Variants in ETV6 observed in about 807,000 individuals in gnomAD.
ETV6 encodes ETS variant transcription factor 6, also known as transcription factor ETV6.
A neutral mutation model predicts 51.1 loss-of-function variants in ETV6; 16 were observed. That is an observed-to-expected ratio of 0.31 (90% confidence interval 0.21 to 0.48). The LOEUF (loss-of-function observed/expected upper bound fraction) is 0.48. Ranked by LOEUF, ETV6 falls within the 20% of genes least tolerant of loss-of-function variation. The pLI, the probability that ETV6 is intolerant of heterozygous loss-of-function variation, is 0.99. For synonymous variants in ETV6, 240 were observed against 224.1 expected, an observed-to-expected ratio of 1.07 and a Z score of -0.64; for missense variants, 458 against 594.8, an observed-to-expected ratio of 0.77 and a Z score of 2.39.
At chr12:11,793,561 A>G (rs569604933) in intron 2 of ETV6, among the ~76,000 whole-genome samples, 4 of 152,214 alleles carry the variant, frequency 2.6e-5, no homozygotes, top group Non-Finnish European at 5.9e-5. Context: ...ACTCCAGTAA[A>G]TTAAGGTCAC....
At chr12:11,675,050 C>T (rs988079907) in intron 1 of ETV6, among the ~76,000 whole-genome samples, 1 of 152,210 alleles carries the variant, frequency 6.6e-6, no homozygotes, top group African/African-American at 2.4e-5. Context: ...TGTCTTTTTG[C>T]ACGCATATGT....
chr12:11,722,077 A>G (rs1337031807), intron 1 of ETV6, among the ~76,000 whole-genome samples: 2 of 152,228 alleles, frequency 1.3e-5, no homozygotes, highest in African/African-American at 2.4e-5. Context: ...GGCTGTCACT[A>G]TAAAGTTAGG....
At chr12:11,681,005 C>T (rs1864518747) in intron 1 of ETV6, among the ~76,000 whole-genome samples, 2 of 152,158 alleles carry the variant, frequency 1.3e-5, no homozygotes, top group East Asian at 1.9e-4. Context: ...TTAAGGTGCT[C>T]AAAGCCTGGT....
At chr12:11,796,539 G>C (rs936839924) in intron 2 of ETV6, among the ~76,000 whole-genome samples, 5 of 152,082 alleles carry the variant, frequency 3.3e-5, no homozygotes, top group African/African-American at 1.2e-4. Flanking sequence ...CCACCAGCCA[G>C]CCCTCCCAAG....
At chr12:11,685,591 G>A (rs1269964071) in intron 1 of ETV6, among the ~76,000 whole-genome samples, 2 of 152,022 alleles carry the variant, frequency 1.3e-5, no homozygotes, top group Non-Finnish European at 1.5e-5. Flanking sequence ...ACAAAAACCA[G>A]CAATACACAC....
At chr12:11,803,805 A>T (rs1401619757) in intron 2 of ETV6, among the ~76,000 whole-genome samples, 1 of 152,242 alleles carries the variant, frequency 6.6e-6, no homozygotes, top group East Asian at 1.9e-4. Flanking sequence ...CATTATAAAC[A>T]CTAGTCAGCA....
intron 2 of ETV6, among the ~76,000 whole-genome samples, chr12:11,814,479 C>T (rs1014696073): frequency 6.6e-6 from 1 of 151,886 alleles, no homozygotes; most frequent in Non-Finnish European, 1.5e-5. Flanking sequence ...ATGTGTTCAC[C>T]AAAGTGAGTG....
rs1230942281 is a variant in ETV6, at chr12:11,873,707, A to G, written c.1009+3738A>G. Among the ~76,000 whole-genome samples, 3 of 113,284 alleles carry G rather than the reference A, an allele frequency of 2.6e-5. 1 individual carries two copies. Among genetic ancestry groups the G allele is most frequent in the Non-Finnish European group, 5.4e-5 (3 of 55,550 alleles). 74.3% of individuals were successfully genotyped at this position (113,284 alleles called of 152,430 possible). ...TTATGCATTTGGACACCTTCTGTGT[A>G]TAAGGCACTGTTCTGCATTCTTGAT... On this transcript the variant is annotated intron_variant, in intron 5 of 7. Coordinates refer to ENST00000396373, the MANE Select transcript of ETV6 (RefSeq NM_001987.5).
In ETV6 at chr12:11,869,348, G is replaced by T; in HGVS notation, c.464-76G>T. 7.3e-7 allele frequency: 1 copy of T among 1,363,476 alleles called. No homozygotes were observed. The highest frequency in any genetic ancestry group is 1.0e-6 in the Non-Finnish European group (1 of 989,440). The allele number at this position is 1,363,476 out of a possible 1,614,324, so 84.5% of individuals were successfully genotyped here. Reference sequence around the variant, plus strand: ...ATACCTACACGCTCCTCCATTTACCGCCTGTAGAGCCGCAGGGAGTTTCCT... The same window carrying T: ...ATACCTACACGCTCCTCCATTTACCTCCTGTAGAGCCGCAGGGAGTTTCCT... On this transcript the variant is annotated intron_variant, in intron 4 of 7. Coordinates refer to ENST00000396373, the MANE Select transcript of ETV6 (RefSeq NM_001987.5). This position sits in a 1 kb window ranked among gnomAD's most constrained non-coding sequence, Gnocchi z 5.0.
intron 1 of ETV6, among the ~76,000 whole-genome samples, chr12:11,751,063 G>T (rs1212220493): frequency 1.3e-5 from 2 of 151,958 alleles, no homozygotes; most frequent in Non-Finnish European, 2.9e-5. Flanking sequence ...TATTCCAACT[G>T]CCCTACTTGC....
At chr12:11,667,220 T>C (rs919714333) in intron 1 of ETV6, among the ~76,000 whole-genome samples, 1 of 152,200 alleles carries the variant, frequency 6.6e-6, no homozygotes, top group Admixed American at 6.5e-5. Flanking sequence ...TTGAACAGAA[T>C]TTTTTTAATC....
At chr12:11,854,490 G>GT (rs1357933555) in intron 4 of ETV6, among the ~76,000 whole-genome samples, 1 of 152,208 alleles carries the variant, frequency 6.6e-6, no homozygotes, top group African/African-American at 2.4e-5. Context: ...TAAGGGTGGG[G>GT]TAAGGCTTTG....
intron 1 of ETV6, among the ~76,000 whole-genome samples, chr12:11,728,831 A>AT (rs750506288): frequency 2.0e-5 from 3 of 152,262 alleles, no homozygotes; most frequent in South Asian, 2.1e-4. Flanking sequence ...ACCTGAAAAG[A>AT]TTTTTTTCTA....
At chr12:11,878,773 T>C (rs1947035581) in intron 5 of ETV6, among the ~76,000 whole-genome samples, 1 of 148,978 alleles carries the variant, frequency 6.7e-6, no homozygotes, top group Non-Finnish European at 1.5e-5. Context: ...TGCACTGGAT[T>C]GACCAACTTT....
chr12:11,730,483 G>A (rs938352836), intron 1 of ETV6, among the ~76,000 whole-genome samples: 1 of 152,206 alleles, frequency 6.6e-6, no homozygotes, highest in Non-Finnish European at 1.5e-5. Context: ...AGAGCTCCAA[G>A]GAAGCCTGTG....
rs1863852677 is a variant in ETV6, at chr12:11,649,766, T to G, written c.-362T>G. 6.8e-6 allele frequency: 1 copy of G among 147,074 alleles called. No homozygotes were observed. The highest frequency in any genetic ancestry group is 1.5e-5 in the Non-Finnish European group (1 of 66,152). The allele number at this position is 147,074 out of a possible 1,614,324, so 9.1% of individuals were successfully genotyped here. A position where few individuals can be genotyped will look rare whatever the true frequency, so the allele number is the denominator to read the frequency against. On this transcript the variant is annotated 5_prime_UTR_variant, in exon 1 of 8. Transcript: ENST00000396373. ...TTTCTCTCTTCCAGGAAGGAAAACATTCGAGAGAGCGAGGGAGAGCCGCGG... is the reference window on the plus strand; with the variant it reads ...TTTCTCTCTTCCAGGAAGGAAAACAGTCGAGAGAGCGAGGGAGAGCCGCGG...
intron 2 of ETV6, among the ~76,000 whole-genome samples, chr12:11,780,177 A>G (rs1036437365): frequency 1.2e-4 from 18 of 152,248 alleles, no homozygotes; most frequent in African/African-American, 4.3e-4. Context: ...GTATATTCAT[A>G]GAACTGTAAC....
At chr12:11,803,899 T>A (rs968670722) in intron 2 of ETV6, among the ~76,000 whole-genome samples, 1 of 152,036 alleles carries the variant, frequency 6.6e-6, no homozygotes, top group Non-Finnish European at 1.5e-5. Flanking sequence ...ATATGTAGAC[T>A]GAGCAAAAAT....
intron 1 of ETV6, among the ~76,000 whole-genome samples, chr12:11,667,683 C>T (rs930677540): frequency 2.1e-5 from 3 of 146,188 alleles, no homozygotes; most frequent in Non-Finnish European, 3.0e-5. Context: ...GTGTGTGCCA[C>T]GATACCTGGC....
Sources: gnomAD v4.1 joint callset for allele counts (sites outside exome capture counted in the v4.1 genomes callset) on GRCh38, gnomAD v4.1.1 for gene constraint, Gnocchi (gnomAD v3.1) non-coding constraint, MANE v1.5 for transcripts, NCBI Gene and HGNC (gene_info 2026-07-23, HGNC 2026-07-21) for gene names.